TBCD: variants seen among roughly 807,000 people sequenced by gnomAD.
The protein encoded by TBCD is tubulin folding cofactor D, also known as tubulin-specific chaperone D.
TBCD carries 105 observed loss-of-function variants against 169.3 expected under a neutral mutation model. The ratio of observed to expected loss-of-function variants is 0.62; its 90% confidence interval spans 0.53 to 0.73. The LOEUF (loss-of-function observed/expected upper bound fraction) is 0.73, where lower values mean the gene tolerates loss of function less well. Among genes scored for constraint, TBCD ranks in the 30% least tolerant of loss-of-function variants. The pLI is 0.00. For missense variants in TBCD, 1,444 were observed against 1,600.1 expected, an observed-to-expected ratio of 0.90 and a Z score of 1.66; for synonymous variants, 700 against 643.9, an observed-to-expected ratio of 1.09 and a Z score of -1.32.
chr17:82,807,665 AG>A lies in TBCD; in HGVS notation c.1148+1del. On this transcript the variant is annotated frameshift_variant and splice_region_variant, in exon 11 of 39. Coordinates refer to ENST00000355528, the MANE Select transcript of TBCD (RefSeq NM_005993.5). LOFTEE classifies it high-confidence loss of function. ...ACGGTCGTGCGGTGGTCTGCAGCCA[AG>A]GGGTAGGTGTCTGTGGCCGCAGAAG... Reference protein sequence around the residue: ...KDTVVRWSAAKGIGRMAGRLP... With the variant: ...KDTVVRWSAAXGIGRMAGRLP... 1.3e-6 allele frequency: 2 copies of A among 1,537,418 alleles called. No individual in the cohort carries two copies. The highest frequency in any genetic ancestry group is 8.8e-7 in the Non-Finnish European group (1 of 1,139,694).
In TBCD at chr17:82,915,762, C is replaced by A. The variant is rs1265841991; in HGVS notation, c.2038+3973C>A. Among the ~76,000 whole-genome samples, 1 of 152,158 alleles carries A rather than the reference C, an allele frequency of 6.6e-6. No individual in the cohort carries two copies. Among genetic ancestry groups the A allele is most frequent in the Non-Finnish European group, 1.5e-5 (1 of 68,022 alleles). On this transcript the variant is annotated intron_variant, in intron 23 of 38. Coordinates refer to ENST00000355528, the MANE Select transcript of TBCD (RefSeq NM_005993.5). This position sits in a 1 kb window ranked among gnomAD's most constrained non-coding sequence, Gnocchi z 4.3. ...GGCGTCACGAGAATCAGGAAAAGTT[C>A]TCCTCTCATGCCGAAGACGGGAGGG... is the stretch of plus-strand genomic sequence containing the variant.
Position 82,835,847 on chromosome 17 carries a change from T to C in TBCD, c.1318+20913T>C, listed in dbSNP as rs1292937109. On this transcript the variant is annotated intron_variant, in intron 13 of 38. Coordinates refer to ENST00000355528, the MANE Select transcript of TBCD (RefSeq NM_005993.5). The surrounding 1 kb of genome is among the most constrained non-coding windows in gnomAD (Gnocchi z 4.5). ...AGTGGTTTGGGTAGAAAAGGGGCTCTGCTGACCTGCCACCTTCGCTGTGAT... is the reference window on the plus strand; with the variant it reads ...AGTGGTTTGGGTAGAAAAGGGGCTCCGCTGACCTGCCACCTTCGCTGTGAT... Among the ~76,000 whole-genome samples the C allele has an allele frequency of 1.3e-5, 2 of 152,260 alleles. No homozygotes were observed. The highest frequency in any genetic ancestry group is 2.4e-5 in the African/African-American group (1 of 41,468).
At position 82,930,752 on chromosome 17, in the gene TBCD, G is replaced by C; in HGVS notation, c.3113+109G>C. 6.6e-7 allele frequency: 1 copy of C among 1,517,160 alleles called. No individual in the cohort carries two copies. Among genetic ancestry groups the C allele is most frequent in the Non-Finnish European group, 8.9e-7 (1 of 1,118,456 alleles). The allele number at this position is 1,517,160 out of a possible 1,614,324, so 94.0% of individuals were successfully genotyped here. ...AGGGTCTGTCTGGGGTCTGAAGGGA[G>C]AAGCGAGACACACGCTGTACCAGTT... is the stretch of plus-strand genomic sequence containing the variant. On this transcript the variant is annotated intron_variant, in intron 33 of 38. Coordinates refer to ENST00000355528, the MANE Select transcript of TBCD (RefSeq NM_005993.5). This position sits in a 1 kb window ranked among gnomAD's most constrained non-coding sequence, Gnocchi z 5.2.
Position 82,832,226 on chromosome 17 carries a change from T to A in TBCD, c.1318+17292T>A, listed in dbSNP as rs764735274. ...GGCTTCGCCGTGGCATCGGGCTGGTTGGTTTGCTTGGGGTCTAGTGAGTTA... is the reference window on the plus strand; with the variant it reads ...GGCTTCGCCGTGGCATCGGGCTGGTAGGTTTGCTTGGGGTCTAGTGAGTTA... On this transcript the variant is annotated intron_variant, in intron 13 of 38. Coordinates refer to ENST00000355528, the MANE Select transcript of TBCD (RefSeq NM_005993.5). This position sits in a 1 kb window ranked among gnomAD's most constrained non-coding sequence, Gnocchi z 4.9. The A allele has an allele frequency of 6.2e-7, 1 of 1,614,208 alleles. No individual in the cohort carries two copies. Among genetic ancestry groups the A allele is most frequent in the Admixed American group, 1.7e-5 (1 of 60,030 alleles).
chr17:82,784,508 G>A (rs2049165538), intron 7 of TBCD, among the ~76,000 whole-genome samples: 1 of 152,222 alleles, frequency 6.6e-6, no homozygotes, highest in South Asian at 2.1e-4. Context: ...CGTACCCACT[G>A]TGCCATTGGT....
chr17:82,925,728 T>TTA (rs1448863781), intron 27 of TBCD, among the ~76,000 whole-genome samples: 3 of 152,170 alleles, frequency 2.0e-5, no homozygotes, highest in Non-Finnish European at 2.9e-5. Flanking sequence ...ATGTGGGGGT[T>TTA]TATCCAGTTG....
In TBCD at chr17:82,915,505, G is replaced by C. The variant is rs957620553; in HGVS notation, c.2038+3716G>C. Among the ~76,000 whole-genome samples the C allele has an allele frequency of 6.6e-6, 1 of 152,192 alleles. No individual in the cohort carries two copies. Among genetic ancestry groups the C allele is most frequent in the Non-Finnish European group, 1.5e-5 (1 of 68,040 alleles). ...CCTTGTCTCCGTCTTAGTCTCAGTG[G>C]CTCTTGCATTTCATGCTTTAGAATC... On this transcript the variant is annotated intron_variant, in intron 23 of 38. Coordinates refer to ENST00000355528, the MANE Select transcript of TBCD (RefSeq NM_005993.5). This position sits in a 1 kb window ranked among gnomAD's most constrained non-coding sequence, Gnocchi z 4.3.
At chr17:82,784,146 A>G (rs1157098703) in intron 7 of TBCD, among the ~76,000 whole-genome samples, 1 of 152,028 alleles carries the variant, frequency 6.6e-6, no homozygotes, top group Non-Finnish European at 1.5e-5. Flanking sequence ...GAAAAAACAA[A>G]CCCAACTTAA....
At chr17:82,888,782 A>T (rs1285361769) in intron 15 of TBCD, among the ~76,000 whole-genome samples, 2 of 152,182 alleles carry the variant, frequency 1.3e-5, no homozygotes, top group African/African-American at 4.8e-5. Context: ...CCATCGCTCA[A>T]CCTTGCTCTC....
intron 12 of TBCD, among the ~76,000 whole-genome samples, chr17:82,814,577 G>A (rs1028413873): frequency 2.6e-5 from 4 of 152,162 alleles, no homozygotes; most frequent in African/African-American, 9.7e-5. Flanking sequence ...GTGCAGTGGC[G>A]CGATCTCAGC....
chr17:82,893,726 A>G, intron 17 of TBCD, 94 bp downstream of exon 17: 1 of 876,948 alleles, frequency 1.1e-6, no homozygotes, highest in Admixed American at 2.8e-5. Flanking sequence ...TTCATCCTGT[A>G]ATGTCCACTC....
intron 13 of TBCD, chr17:82,838,815 C>T (rs2054205038): frequency 1.0e-6 from 1 of 985,254 alleles, no homozygotes. Context: ...GGCAGGAGAT[C>T]CCGAGTTACA....
At chr17:82,932,290 G>A (rs561937941) in intron 33 of TBCD, among the ~76,000 whole-genome samples, 9 of 152,312 alleles carry the variant, frequency 5.9e-5, no homozygotes, top group East Asian at 3.9e-4. Context: ...GCACCTTGAC[G>A]CCCAGCGGTG....
At chr17:82,792,327 A>T (rs1295453410) in intron 7 of TBCD, among the ~76,000 whole-genome samples, 1 of 150,910 alleles carries the variant, frequency 6.6e-6, no homozygotes. Context: ...AAAAAAAATT[A>T]TATGTATATA....
At chr17:82,934,459 A>G (rs1256062911) in intron 34 of TBCD, among the ~76,000 whole-genome samples, 1 of 152,116 alleles carries the variant, frequency 6.6e-6, no homozygotes, top group Non-Finnish European at 1.5e-5. Context: ...CTTTAATACA[A>G]TGCTAAATAC....
chr17:82,821,063 C>T (rs963537208), intron 13 of TBCD, among the ~76,000 whole-genome samples: 1 of 152,212 alleles, frequency 6.6e-6, no homozygotes, highest in African/African-American at 2.4e-5. Context: ...CCAAGCAGCT[C>T]TCCCGCCTCA....
At chr17:82,906,156 TTTTG>T (rs942591892) in intron 20 of TBCD, 103 bp downstream of exon 20, 7 of 926,370 alleles carry the variant, frequency 7.6e-6, no homozygotes, top group African/African-American at 6.7e-5. Context: ...CCCTTCTCAT[TTTTG>T]TTTATCTGCA....
Position 82,864,487 on chromosome 17 carries a change from A to G in TBCD, c.1319-5737A>G, listed in dbSNP as rs1233466170. ...CGGGCTCTGTGTCTTCGTGTTGGCC[A>G]GGGTGTGTCATACACCTGGCCTGGC... On this transcript the variant is annotated intron_variant, in intron 13 of 38. Coordinates refer to ENST00000355528, the MANE Select transcript of TBCD (RefSeq NM_005993.5). The surrounding 1 kb of genome is among the most constrained non-coding windows in gnomAD (Gnocchi z 6.3). 1.3e-5 allele frequency: 2 copies of G among 152,222 alleles called. No individual in the cohort carries two copies. Among genetic ancestry groups the G allele is most frequent in the African/African-American group, 4.8e-5 (2 of 41,430 alleles). 9.4% of individuals were successfully genotyped at this position (152,222 alleles called of 1,614,324 possible). A position where few individuals can be genotyped will look rare whatever the true frequency, so the allele number is the denominator to read the frequency against.
chr17:82,930,713 T>A lies in TBCD; in HGVS notation c.3113+70T>A. 1 of 1,603,698 alleles carries A rather than the reference T, an allele frequency of 6.2e-7. No individual in the cohort carries two copies. The highest frequency in any genetic ancestry group is 8.5e-7 in the Non-Finnish European group (1 of 1,174,674). On this transcript the variant is annotated intron_variant, in intron 33 of 38. Coordinates refer to ENST00000355528, the MANE Select transcript of TBCD (RefSeq NM_005993.5). The surrounding 1 kb of genome is among the most constrained non-coding windows in gnomAD (Gnocchi z 5.2). ...TGCCTCTCACCACGTTCCCACAGAT[T>A]CCCGGGGTCTCGCAGGGTCTGTCTG...
Sources: gnomAD v4.1 joint callset for allele counts (sites outside exome capture counted in the v4.1 genomes callset) on GRCh38, gnomAD v4.1.1 for gene constraint, Gnocchi (gnomAD v3.1) non-coding constraint, MANE v1.5 for transcripts, NCBI Gene and HGNC (gene_info 2026-07-23, HGNC 2026-07-21) for gene names.